The following TRIO variants were observed in gnomAD, a reference collection of about 807,000 sequenced individuals.
The protein encoded by TRIO is trio Rho guanine nucleotide exchange factor.
A neutral mutation model predicts 351.9 loss-of-function variants in TRIO; 58 were observed. That is an observed-to-expected ratio of 0.16 (90% confidence interval 0.13 to 0.21). The LOEUF (loss-of-function observed/expected upper bound fraction) is 0.21, where lower values mean the gene tolerates loss of function less well. Ranked by LOEUF, TRIO falls within the 10% of genes least tolerant of loss-of-function variation. The pLI is 1.00. For synonymous variants in TRIO, 1,758 were observed against 1,595.7 expected (o/e 1.10, Z -2.42); for missense variants, 3,201 against 4,027.8 (o/e 0.79, Z 5.56).
At chr5:14,391,090 C>A in intron 27 of TRIO, 100 bp downstream of exon 27, 1 of 855,520 alleles carries the variant, frequency 1.2e-6, no homozygotes, top group South Asian at 2.0e-5. Context: ...ACAATGTTTT[C>A]ATTTTTGTCT....
chr5:14,443,523 C>T (rs1345685612), intron 34 of TRIO, among the ~76,000 whole-genome samples: 2 of 152,120 alleles, frequency 1.3e-5, no homozygotes, highest in Non-Finnish European at 2.9e-5. Flanking sequence ...AAATAAATCC[C>T]AAAGTAACTT....
At chr5:14,481,933 A>G (rs1755556181) in intron 45 of TRIO, 3 of 303,626 alleles carry the variant, frequency 9.9e-6, no homozygotes, top group South Asian at 1.1e-4. Flanking sequence ...ACTTAAGACC[A>G]TGGTTAGCTA....
At chr5:14,162,463 T>G (rs1379847624) in intron 1 of TRIO, among the ~76,000 whole-genome samples, 1 of 152,236 alleles carries the variant, frequency 6.6e-6, no homozygotes, top group African/African-American at 2.4e-5. Flanking sequence ...CTTTGTTCTT[T>G]TACCTATAAA....
chr5:14,296,996 G>T lies in TRIO; in HGVS notation c.1177-76G>T, dbSNP rs945143126. Reference sequence around the variant, plus strand: ...GTTAGAAGCCTGTGTTTCAGCAGGTGGCATCTGGGCTTCTTAGAAGGGAGC... The same window carrying T: ...GTTAGAAGCCTGTGTTTCAGCAGGTTGCATCTGGGCTTCTTAGAAGGGAGC... On this transcript the variant is annotated intron_variant, in intron 6 of 56. Transcript: ENST00000344204. 56 of 1,313,570 alleles carry T rather than the reference G, an allele frequency of 4.3e-5. No individual in the cohort carries two copies. In the East Asian group the frequency reaches 1.3e-3, roughly 31 times the overall value. The allele number at this position is 1,313,570 out of a possible 1,614,324, so 81.4% of individuals were successfully genotyped here. A position where few individuals can be genotyped will look rare whatever the true frequency, so the allele number is the denominator to read the frequency against.
In TRIO at chr5:14,487,586, C is replaced by T; in HGVS notation, c.6958C>T (p.His2320Tyr). The change falls in exon 48 of 57, where the codon CAC (histidine) becomes TAC (tyrosine). Residue 2320 changes from histidine (H) to tyrosine (Y), a missense_variant. Coordinates refer to ENST00000344204, the MANE Select transcript of TRIO (RefSeq NM_007118.4). ...CGGGGCCCCCAGTGGCGGCAGCGGC[C>T]ACAGTGGCGGCCCCAGCAGCTGCGG... ...GGGAPSGGSG[H>Y]SGGPSSCGGA... 1 of 1,148,446 alleles carries T rather than the reference C, an allele frequency of 8.7e-7. No individual in the cohort carries two copies. The highest frequency in any genetic ancestry group is 1.1e-6 in the Non-Finnish European group (1 of 926,290). The allele number at this position is 1,148,446 out of a possible 1,614,324, so 71.1% of individuals were successfully genotyped here. A position where few individuals can be genotyped will look rare whatever the true frequency, so the allele number is the denominator to read the frequency against.
chr5:14,358,089 C>T lies in TRIO; in HGVS notation c.2047-89C>T, dbSNP rs182213522. ...TCCCCTCCCAGGGCAAGTCACACACCGTCTCCACTGGGGCCCCTTGGACAC... is the reference window on the plus strand; with the variant it reads ...TCCCCTCCCAGGGCAAGTCACACACTGTCTCCACTGGGGCCCCTTGGACAC... On this transcript the variant is annotated intron_variant, in intron 11 of 56. Coordinates refer to ENST00000344204, the MANE Select transcript of TRIO (RefSeq NM_007118.4). 4.4e-4 allele frequency: 636 copies of T among 1,458,934 alleles called. No individual in the cohort carries two copies. In the African/African-American group the frequency reaches 8.0e-3, roughly 18 times the overall value. The allele number at this position is 1,458,934 out of a possible 1,614,324, so 90.4% of individuals were successfully genotyped here.
At position 14,207,493 on chromosome 5, in the gene TRIO, C is replaced by G. The variant is rs1368520573; in HGVS notation, c.158-63332C>G. Among the ~76,000 whole-genome samples the G allele has an allele frequency of 2.8e-3, 171 of 60,080 alleles. 11 individuals are homozygous for G. Among genetic ancestry groups the G allele is most frequent in the African/African-American group, 7.0e-3 (149 of 21,232 alleles). 39.4% of individuals were successfully genotyped at this position (60,080 alleles called of 152,430 possible). A position where few individuals can be genotyped will look rare whatever the true frequency, so the allele number is the denominator to read the frequency against. On this transcript the variant is annotated intron_variant, in intron 1 of 56. Coordinates refer to ENST00000344204, the MANE Select transcript of TRIO (RefSeq NM_007118.4). ...ACACACACACACACACACACACACA[C>G]AGCCAGGTAGCATAGCAAGACTGTC...
chr5:14,345,031 G>A (rs554513897), intron 11 of TRIO, among the ~76,000 whole-genome samples: 6 of 152,322 alleles, frequency 3.9e-5, no homozygotes, highest in Admixed American at 3.9e-4. Flanking sequence ...ATTTGTACTG[G>A]CCAGTGGGAA....
At chr5:14,409,004 T>C (rs1417513926) in intron 33 of TRIO, among the ~76,000 whole-genome samples, 1 of 152,060 alleles carries the variant, frequency 6.6e-6, no homozygotes, top group Non-Finnish European at 1.5e-5. Context: ...AGTTTATGGA[T>C]AAATGGGTGC....
intron 19 of TRIO, among the ~76,000 whole-genome samples, chr5:14,375,847 A>G (rs904762245): frequency 6.6e-6 from 1 of 152,212 alleles, no homozygotes; most frequent in Non-Finnish European, 1.5e-5. Flanking sequence ...TGTAAGTGAT[A>G]GCTTAATTTT....
At chr5:14,199,337 G>A (rs1790969061) in intron 1 of TRIO, among the ~76,000 whole-genome samples, 1 of 152,040 alleles carries the variant, frequency 6.6e-6, no homozygotes, top group Non-Finnish European at 1.5e-5. Context: ...TCAGGACCAT[G>A]AGGTTTTGGA....
intron 9 of TRIO, among the ~76,000 whole-genome samples, chr5:14,328,975 A>G (rs973290592): frequency 6.6e-6 from 1 of 152,124 alleles, no homozygotes; most frequent in African/African-American, 2.4e-5. Context: ...CTGTAATACT[A>G]ACTTTGCTAG....
Position 14,465,626 on chromosome 5 carries a change from G to A in TRIO, c.5749G>A (p.Val1917Met), listed in dbSNP as rs1174403108. ...AELVSAIEELVKSKMALEDRP... is the reference protein window; with the variant it reads ...AELVSAIEELMKSKMALEDRP... ...GCTCGTCAGTGCAATTGAGGAACTCGTGAAAAGCAAGATGGTGAGGCCTCC... is the reference window on the plus strand; with the variant it reads ...GCTCGTCAGTGCAATTGAGGAACTCATGAAAAGCAAGATGGTGAGGCCTCC... Residue 1917 changes from valine to methionine, a missense_variant, in exon 37 of 57, where the codon GTG becomes ATG. Transcript: ENST00000344204. 3.1e-6 allele frequency: 5 copies of A among 1,613,968 alleles called. No homozygotes were observed. Among genetic ancestry groups the A allele is most frequent in the Non-Finnish European group, 4.2e-6 (5 of 1,180,018 alleles).
At chr5:14,190,842 C>G (rs1469591792) in intron 1 of TRIO, among the ~76,000 whole-genome samples, 1 of 152,204 alleles carries the variant, frequency 6.6e-6, no homozygotes, top group Admixed American at 6.5e-5. Flanking sequence ...TACACACACA[C>G]CCCTTCATCT....
chr5:14,266,398 A>G (rs1226377968), intron 1 of TRIO, among the ~76,000 whole-genome samples: 1 of 152,174 alleles, frequency 6.6e-6, no homozygotes, highest in African/African-American at 2.4e-5. Flanking sequence ...GGTATCTAGG[A>G]TACAGCAGGG....
intron 1 of TRIO, among the ~76,000 whole-genome samples, chr5:14,180,275 G>A (rs903390357): frequency 2.0e-5 from 3 of 152,088 alleles, no homozygotes; most frequent in Non-Finnish European, 4.4e-5. Flanking sequence ...ATCATTAGAT[G>A]TTGCCTGGAG....
At chr5:14,350,562 A>C (rs887613374) in intron 11 of TRIO, among the ~76,000 whole-genome samples, 1 of 152,066 alleles carries the variant, frequency 6.6e-6, no homozygotes, top group Non-Finnish European at 1.5e-5. Flanking sequence ...CCTGTGCCTT[A>C]TCTGTACTCA....
chr5:14,368,969 C>CAATCATTG (rs1744839298), intron 17 of TRIO, 70 bp downstream of exon 17: 2 of 1,513,130 alleles, frequency 1.3e-6, no homozygotes, highest in Admixed American at 3.8e-5. Context: ...TTGGACAGCT[C>CAATCATTG]AATCATTGTT....
chr5:14,364,151 T>C (rs1744395220), intron 14 of TRIO, among the ~76,000 whole-genome samples: 1 of 152,248 alleles, frequency 6.6e-6, no homozygotes. Context: ...TTAAGTATCA[T>C]GAACTTTAAT....
Sources: allele counts gnomAD v4.1 joint callset (sites outside exome capture counted in the v4.1 genomes callset), GRCh38; gene constraint gnomAD v4.1.1; transcripts MANE v1.5; gene names NCBI Gene and HGNC (gene_info 2026-07-23, HGNC 2026-07-21).